The following CDH18 variants were observed in gnomAD, a reference collection of about 807,000 sequenced individuals.
CDH18 encodes the protein cadherin-18.
Under a neutral mutation model 67.9 loss-of-function variants are expected in CDH18, and 31 were observed. The ratio of observed to expected loss-of-function variants is 0.46; its 90% CI spans 0.34 to 0.62. The LOEUF (loss-of-function observed/expected upper bound fraction) is 0.62. Ranked by LOEUF, CDH18 falls within the 20% of genes least tolerant of loss-of-function variation. The pLI, the probability that CDH18 is intolerant of heterozygous loss-of-function variation, is 0.01. For synonymous variants in CDH18, 362 were observed against 347.2 expected (o/e 1.04, Z -0.48); for missense variants, 890 against 975.5 (o/e 0.91, Z 1.17).
chr5:20,127,403 G>T (rs1748923929), intron 2 of CDH18, among the ~76,000 whole-genome samples: 1 of 152,012 alleles, frequency 6.6e-6, no homozygotes, highest in African/African-American at 2.4e-5. Context: ...CGTGAGAATG[G>T]ACTAATACAA....
chr5:20,116,246 C>T (rs1437133104), intron 2 of CDH18, among the ~76,000 whole-genome samples: 2 of 152,144 alleles, frequency 1.3e-5, no homozygotes, highest in South Asian at 4.1e-4. Flanking sequence ...CAGTCCTCAT[C>T]TCCCAGCTTT....
chr5:20,365,341 A>C (rs1742422133), intron 1 of CDH18, among the ~76,000 whole-genome samples: 1 of 152,138 alleles, frequency 6.6e-6, no homozygotes. Context: ...TCATCTCCAA[A>C]TACCATCACA....
intron 1 of CDH18, among the ~76,000 whole-genome samples, chr5:19,987,646 C>T (rs1799706181): frequency 6.6e-6 from 1 of 152,104 alleles, no homozygotes; most frequent in South Asian, 2.1e-4. Flanking sequence ...TTAAAAAAAG[C>T]ACTATCGAAA....
At chr5:19,873,435 A>G (rs1305991941) in intron 2 of CDH18, among the ~76,000 whole-genome samples, 1 of 152,156 alleles carries the variant, frequency 6.6e-6, no homozygotes, top group Non-Finnish European at 1.5e-5. Flanking sequence ...ACCATAAAAT[A>G]TAATATAAAA....
chr5:19,817,762 T>A (rs751639669), intron 3 of CDH18, among the ~76,000 whole-genome samples: 1 of 152,056 alleles, frequency 6.6e-6, no homozygotes, highest in Non-Finnish European at 1.5e-5. Flanking sequence ...ATGATATATT[T>A]TTTTGAGGTA....
At chr5:20,171,049 TA>T (rs35363286) in intron 2 of CDH18, among the ~76,000 whole-genome samples, 78,488 of 149,686 alleles carry the variant, frequency 0.52, 20,523 homozygotes, top group Middle Eastern at 0.64. Flanking sequence ...CTTTTTTTTT[TA>T]TATATATATA....
At chr5:20,540,138 G>A (rs561915891) in intron 1 of CDH18, among the ~76,000 whole-genome samples, 73 of 152,166 alleles carry the variant, frequency 4.8e-4, no homozygotes, top group African/African-American at 1.7e-3. Context: ...TCTTAGAGAG[G>A]CTACAAATGC....
chr5:19,668,587 G>C, intron 5 of CDH18, among the ~76,000 whole-genome samples: 1 of 152,110 alleles, frequency 6.6e-6, no homozygotes, highest in Middle Eastern at 3.4e-3. Context: ...TATCAGTTTC[G>C]CTTCATTTTG....
chr5:19,494,662 C>T (rs1398370554), intron 11 of CDH18, among the ~76,000 whole-genome samples: 1 of 152,178 alleles, frequency 6.6e-6, no homozygotes, highest in Non-Finnish European at 1.5e-5. Context: ...CTTGAACTAA[C>T]TTGACCCCTG....
At chr5:20,305,195 C>T (rs1736313515) in intron 1 of CDH18, 3 of 1,396,346 alleles carry the variant, frequency 2.1e-6, no homozygotes, top group Admixed American at 1.7e-5. Context: ...TTCGACAGTC[C>T]TTCCAAAGGC....
chr5:20,054,729 T>C (rs534037296), intron 2 of CDH18, among the ~76,000 whole-genome samples: 53 of 152,332 alleles, frequency 3.5e-4, no homozygotes, highest in Admixed American at 1.4e-3. Flanking sequence ...ATGACCACAT[T>C]GTCTCTCAAT....
intron 1 of CDH18, among the ~76,000 whole-genome samples, chr5:20,461,120 T>C (rs1338480350): frequency 6.6e-6 from 1 of 152,134 alleles, no homozygotes; most frequent in African/African-American, 2.4e-5. Flanking sequence ...GCTGTCAGGC[T>C]TGGTCTTGGG....
chr5:20,076,702 A>C (rs1743972105), intron 2 of CDH18, among the ~76,000 whole-genome samples: 1 of 152,172 alleles, frequency 6.6e-6, no homozygotes, highest in Non-Finnish European at 1.5e-5. Context: ...TACACACCTG[A>C]CAAGTTCGCA....
At chr5:19,849,685 CATATATATATACACGCAT>C (rs1783452122) in intron 2 of CDH18, among the ~76,000 whole-genome samples, 6 of 13,430 alleles carry the variant, frequency 4.5e-4, no homozygotes, top group Non-Finnish European at 1.7e-3. Context: ...TATATATAAA[CATATATATATACACGCAT>C]ATATATATAA....
chr5:20,343,673 A>G (rs1425723013), intron 1 of CDH18, among the ~76,000 whole-genome samples: 1 of 152,146 alleles, frequency 6.6e-6, no homozygotes, highest in Non-Finnish European at 1.5e-5. Flanking sequence ...CAACTGGTTG[A>G]GCAAATTGCT....
intron 5 of CDH18, among the ~76,000 whole-genome samples, chr5:19,708,778 C>A (rs1231996235): frequency 2.0e-5 from 3 of 152,182 alleles, no homozygotes; most frequent in African/African-American, 7.2e-5. Context: ...GTGCTTATCA[C>A]TGGCTTGCTG....
chr5:19,841,152 G>A (rs1782274159), intron 2 of CDH18, among the ~76,000 whole-genome samples: 1 of 152,124 alleles, frequency 6.6e-6, no homozygotes, highest in Non-Finnish European at 1.5e-5. Context: ...TCACCATTGT[G>A]CAACAATTGT....
intron 1 of CDH18, among the ~76,000 whole-genome samples, chr5:20,294,765 A>T (rs1457551540): frequency 1.3e-5 from 2 of 152,226 alleles, no homozygotes; most frequent in East Asian, 3.8e-4. Context: ...AAATTAAAAA[A>T]TAAGTAATTT....
At chr5:20,305,487 G>A in intron 1 of CDH18, 2 of 1,215,932 alleles carry the variant, frequency 1.6e-6, no homozygotes, top group Non-Finnish European at 2.4e-6. Context: ...TGCACTCGCT[G>A]GGTCTTGGGT....
Sources: allele counts gnomAD v4.1 joint callset (sites outside exome capture counted in the v4.1 genomes callset), GRCh38; gene constraint gnomAD v4.1.1; transcripts MANE v1.5; gene names NCBI Gene and HGNC (gene_info 2026-07-23, HGNC 2026-07-21).